FER: variants seen among roughly 807,000 people sequenced by gnomAD.
FER encodes the protein tyrosine-protein kinase Fer.
A neutral mutation model predicts 111.0 loss-of-function variants in FER; 63 were observed. The observed-to-expected ratio is 0.57, with a 90% CI of 0.46 to 0.70. FER has a LOEUF of 0.70. Ranked by LOEUF, FER falls within the 30% of genes least tolerant of loss-of-function variation. The pLI is 0.00. For synonymous variants in FER, 327 were observed against 313.9 expected, an observed-to-expected ratio of 1.04 and a Z score of -0.44; for missense variants, 914 against 954.0, an observed-to-expected ratio of 0.96 and a Z score of 0.55.
intron 3 of FER, among the ~76,000 whole-genome samples, chr5:108,814,915 A>G (rs1308716143): frequency 6.6e-6 from 1 of 152,048 alleles, no homozygotes; most frequent in Non-Finnish European, 1.5e-5. Flanking sequence ...ATAGTAGGAG[A>G]TGGAGACCTA....
intron 6 of FER, among the ~76,000 whole-genome samples, chr5:108,869,868 A>T (rs1180482022): frequency 6.6e-6 from 1 of 152,092 alleles, no homozygotes; most frequent in Non-Finnish European, 1.5e-5. Context: ...TGTAGGTAAG[A>T]CTAAATTTTA....
intron 11 of FER, among the ~76,000 whole-genome samples, chr5:108,949,946 G>A (rs1279217641): frequency 6.6e-6 from 1 of 151,958 alleles, no homozygotes; most frequent in Non-Finnish European, 1.5e-5. Flanking sequence ...AAGTAACTGG[G>A]TAAAAATAAT....
At chr5:109,127,633 C>T (rs1375247085) in intron 17 of FER, among the ~76,000 whole-genome samples, 1 of 152,026 alleles carries the variant, frequency 6.6e-6, no homozygotes, top group Admixed American at 6.6e-5. Flanking sequence ...TCTCGATCTC[C>T]TGAGCTCATG....
intron 17 of FER, among the ~76,000 whole-genome samples, chr5:109,164,501 C>T (rs1247026223): frequency 6.6e-6 from 1 of 152,132 alleles, no homozygotes; most frequent in Non-Finnish European, 1.5e-5. Context: ...ATGTTTTATA[C>T]ATTGCTCCTT....
chr5:108,750,967 C>T (rs902386241), intron 1 of FER, among the ~76,000 whole-genome samples: 5 of 151,926 alleles, frequency 3.3e-5, no homozygotes, highest in Non-Finnish European at 5.9e-5. Context: ...CCGAGGCGGG[C>T]GGATCACCTG....
Position 108,858,766 on chromosome 5 carries a change from ATTTT to A in FER, c.482-8985_482-8982del, listed in dbSNP as rs75243334. ...ATTTGAGTTGGTAGACAGTTTTTTC[ATTTT>A]TTTTTTTTTTTTTTTCTGTCCTCAC... is the stretch of plus-strand genomic sequence containing the variant. On this transcript the variant is annotated intron_variant, in intron 5 of 19. Transcript: ENST00000281092. 6.8e-3 allele frequency among the ~76,000 whole-genome samples: 843 copies of A among 124,712 alleles called. 11 individuals carry two copies. Among genetic ancestry groups the A allele is most frequent in the African/African-American group, 0.023 (807 of 35,154 alleles). 81.8% of individuals were successfully genotyped at this position (124,712 alleles called of 152,430 possible).
chr5:108,817,517 G>A (rs919682482), intron 3 of FER, among the ~76,000 whole-genome samples: 1 of 152,166 alleles, frequency 6.6e-6, no homozygotes, highest in Non-Finnish European at 1.5e-5. Context: ...GTAGTTGGAG[G>A]TGTAGTCTGC....
chr5:108,918,161 T>C lies in FER; in HGVS notation c.1236+20313T>C, dbSNP rs149501864. On this transcript the variant is annotated intron_variant, in intron 10 of 19. Transcript: ENST00000281092. ...CAAAATGAAAAGGGAGATAAAGTCA[T>C]ATAACACTCTTAAATAAAAGAAAGC... Among the ~76,000 whole-genome samples the C allele has an allele frequency of 4.2e-3, 644 of 152,298 alleles. 2 individuals carry two copies. The highest frequency in any genetic ancestry group is 0.015 in the African/African-American group (611 of 41,564).
chr5:109,030,151 A>C (rs1769394467), intron 13 of FER, among the ~76,000 whole-genome samples: 1 of 151,642 alleles, frequency 6.6e-6, no homozygotes, highest in Non-Finnish European at 1.5e-5. Context: ...TTAGTTATAT[A>C]CTTTTTATTT....
chr5:108,846,742 C>G (rs906821585), intron 5 of FER, among the ~76,000 whole-genome samples: 1 of 152,048 alleles, frequency 6.6e-6, no homozygotes, highest in African/African-American at 2.4e-5. Flanking sequence ...GCCACCACGC[C>G]CGGCTAATTT....
intron 17 of FER, among the ~76,000 whole-genome samples, chr5:109,105,624 GGAAGGT>G (rs1748822580): frequency 6.6e-6 from 1 of 152,182 alleles, no homozygotes; most frequent in East Asian, 1.9e-4. Flanking sequence ...AGAGATTAAA[GGAAGGT>G]CACCTAAACA....
At chr5:108,935,706 G>A (rs981513374) in intron 10 of FER, among the ~76,000 whole-genome samples, 12 of 151,940 alleles carry the variant, frequency 7.9e-5, no homozygotes, top group African/African-American at 2.9e-4. Flanking sequence ...AATTTTTTGA[G>A]TACTTCTCTG....
chr5:109,148,722 A>G (rs754384722), intron 17 of FER, among the ~76,000 whole-genome samples: 8 of 152,116 alleles, frequency 5.3e-5, no homozygotes, highest in Non-Finnish European at 1.2e-4. Flanking sequence ...TCCTTATGTA[A>G]AATACTTTTT....
At chr5:108,822,863 C>T (rs1389377884) in intron 3 of FER, among the ~76,000 whole-genome samples, 2 of 151,570 alleles carry the variant, frequency 1.3e-5, no homozygotes, top group Non-Finnish European at 2.9e-5. Context: ...CATCTCGGCT[C>T]ACTGCAGCCT....
chr5:109,062,384 G>T (rs934364672), intron 16 of FER, among the ~76,000 whole-genome samples: 4 of 152,054 alleles, frequency 2.6e-5, no homozygotes, highest in Non-Finnish European at 5.9e-5. Context: ...AAATTAGCTG[G>T]GCATGGTGGT....
At chr5:109,147,087 A>G (rs1212919061) in intron 17 of FER, among the ~76,000 whole-genome samples, 7 of 152,174 alleles carry the variant, frequency 4.6e-5, no homozygotes, top group Admixed American at 6.6e-5. Flanking sequence ...GGTAAAGGAG[A>G]TGAAAGGCAA....
intron 13 of FER, among the ~76,000 whole-genome samples, chr5:109,027,621 A>G (rs1320745479): frequency 6.6e-6 from 1 of 152,150 alleles, no homozygotes; most frequent in African/African-American, 2.4e-5. Flanking sequence ...TAACTTTAGG[A>G]AGAAATGGCA....
chr5:108,928,845 C>T (rs970220477), intron 10 of FER, among the ~76,000 whole-genome samples: 19 of 151,918 alleles, frequency 1.3e-4, no homozygotes, highest in African/African-American at 4.6e-4. Flanking sequence ...AAAGTATGGT[C>T]AAAGTTAGAA....
intron 17 of FER, among the ~76,000 whole-genome samples, chr5:109,130,761 C>G (rs1224285981): frequency 6.6e-6 from 1 of 151,978 alleles, no homozygotes; most frequent in Non-Finnish European, 1.5e-5. Flanking sequence ...TTCAGCTGTT[C>G]AGCAATCATA....
Sources: allele counts gnomAD v4.1 joint callset (sites outside exome capture counted in the v4.1 genomes callset), GRCh38; gene constraint gnomAD v4.1.1; transcripts MANE v1.5; gene names NCBI Gene and HGNC (gene_info 2026-07-23, HGNC 2026-07-21).